CTNNA3: variants seen among roughly 807,000 people sequenced by gnomAD.
CTNNA3 encodes catenin alpha 3.
Under a neutral mutation model 95.7 loss-of-function variants are expected in CTNNA3, and 76 were observed. That is an observed-to-expected ratio of 0.79 (90% CI 0.66 to 0.96). CTNNA3 has a LOEUF of 0.96. Ranked by LOEUF, CTNNA3 falls within the 40% of genes least tolerant of loss-of-function variation. The pLI is 0.00. For missense variants in CTNNA3, 1,191 were observed against 1,089.8 expected (o/e 1.09, Z -1.31); for synonymous variants, 431 against 374.4 (o/e 1.15, Z -1.74).
chr10:66,934,645 T>C (rs1460347937), intron 7 of CTNNA3, among the ~76,000 whole-genome samples: 1 of 152,240 alleles, frequency 6.6e-6, no homozygotes, highest in East Asian at 1.9e-4. Context: ...ATTAGCTAAT[T>C]CCTAGAAAAC....
intron 12 of CTNNA3, among the ~76,000 whole-genome samples, chr10:66,356,117 G>GTTTTTTTTTTTT (rs1275052192): frequency 9.5e-6 from 1 of 104,736 alleles, no homozygotes; most frequent in African/African-American, 3.9e-5. Flanking sequence ...TTGTTTGCTT[G>GTTTTTTTTTTTT]TTTTGTTTTT....
chr10:67,637,177 A>C (rs140779382), intron 2 of CTNNA3, among the ~76,000 whole-genome samples: 2 of 152,238 alleles, frequency 1.3e-5, no homozygotes, highest in African/African-American at 2.4e-5. Context: ...AAAGGACCTG[A>C]TGGAGCTGAA....
At chr10:66,873,413 C>A (rs1028263984) in intron 7 of CTNNA3, among the ~76,000 whole-genome samples, 3 of 151,546 alleles carry the variant, frequency 2.0e-5, no homozygotes, top group African/African-American at 4.9e-5. Flanking sequence ...GCCATTCTGA[C>A]TGGTGTGAGA....
chr10:67,005,968 G>T (rs931153586), intron 7 of CTNNA3, among the ~76,000 whole-genome samples: 1 of 151,922 alleles, frequency 6.6e-6, no homozygotes, highest in East Asian at 1.9e-4. Flanking sequence ...TTACAAGCGT[G>T]AGCCATCGCA....
At chr10:66,891,158 G>A (rs1024360787) in intron 7 of CTNNA3, among the ~76,000 whole-genome samples, 1 of 152,022 alleles carries the variant, frequency 6.6e-6, no homozygotes, top group Non-Finnish European at 1.5e-5. Context: ...TTCTATTTGA[G>A]CTTTTATTTC....
intron 13 of CTNNA3, among the ~76,000 whole-genome samples, chr10:66,222,600 G>A (rs1048572891): frequency 8.2e-6 from 1 of 122,426 alleles, no homozygotes; most frequent in African/African-American, 3.6e-5. Context: ...AAGAAAGAAC[G>A]AAAGAAAGAA....
chr10:66,879,782 A>T (rs17231490), intron 7 of CTNNA3, among the ~76,000 whole-genome samples: 1,654 of 152,202 alleles, frequency 0.011, 11 homozygotes, highest in Non-Finnish European at 0.019. Flanking sequence ...ATGCAGAGGT[A>T]GACCTGGGCA....
At position 66,927,754 on chromosome 10, in the gene CTNNA3, C is replaced by T. The variant is rs1239273367; in HGVS notation, c.1048-152230G>A. On this transcript the variant is annotated intron_variant, in intron 7 of 17. Transcript: ENST00000433211. This position sits in a 1 kb window ranked among gnomAD's most constrained non-coding sequence, Gnocchi z 4.7. ...CAGTGTTTTCCAGTGTGTCCCGAAT[C>T]TGCAGCGCCTCAACCTGGATTCCAA... 1 of 1,614,212 alleles carries T rather than the reference C, an allele frequency of 6.2e-7. No individual in the cohort carries two copies. Among genetic ancestry groups the T allele is most frequent in the Admixed American group, 1.7e-5 (1 of 60,026 alleles).
intron 12 of CTNNA3, among the ~76,000 whole-genome samples, chr10:66,296,657 G>C (rs1014310122): frequency 1.3e-5 from 2 of 151,764 alleles, no homozygotes; most frequent in Non-Finnish European, 2.9e-5. Flanking sequence ...CCTGTTGATT[G>C]ATTCTGGAAA....
intron 5 of CTNNA3, among the ~76,000 whole-genome samples, chr10:67,308,934 T>C (rs1403716206): frequency 6.6e-6 from 1 of 152,208 alleles, no homozygotes; most frequent in African/African-American, 2.4e-5. Flanking sequence ...TCAAAAAGTT[T>C]ACTTCTACTC....
At chr10:65,983,770 G>A (rs1031532848) in intron 16 of CTNNA3, among the ~76,000 whole-genome samples, 1 of 151,248 alleles carries the variant, frequency 6.6e-6, no homozygotes, top group Non-Finnish European at 1.5e-5. Context: ...TTAAACAGAA[G>A]GTTTTAGTTC....
At chr10:66,885,231 T>C (rs1844999236) in intron 7 of CTNNA3, among the ~76,000 whole-genome samples, 1 of 152,190 alleles carries the variant, frequency 6.6e-6, no homozygotes, top group South Asian at 2.1e-4. Context: ...GAAGTAGTCT[T>C]ATTTGGACAT....
intron 13 of CTNNA3, among the ~76,000 whole-genome samples, chr10:66,134,191 T>C (rs954528189): frequency 3.3e-5 from 5 of 152,142 alleles, no homozygotes; most frequent in African/African-American, 1.2e-4. Context: ...TAAAGTGATC[T>C]TCATTTTAAA....
intron 12 of CTNNA3, among the ~76,000 whole-genome samples, chr10:66,319,490 G>A (rs1043422529): frequency 2.0e-5 from 3 of 152,140 alleles, no homozygotes; most frequent in African/African-American, 7.2e-5. Context: ...TAAGATAGGG[G>A]ATGGGATGTA....
At chr10:66,865,166 A>T (rs1844117430) in intron 7 of CTNNA3, among the ~76,000 whole-genome samples, 1 of 151,690 alleles carries the variant, frequency 6.6e-6, no homozygotes, top group Non-Finnish European at 1.5e-5. Flanking sequence ...TATGAGTCTA[A>T]CATTTATGAA....
Position 66,571,336 on chromosome 10 carries a change from A to T in CTNNA3, c.1374+50356T>A, listed in dbSNP as rs1435985166. ...CATTCCCTTTTGGAGATTAAAAAAT[A>T]GCATTACAACTATCTGTGTTGCATT... On this transcript the variant is annotated intron_variant, in intron 10 of 17. Coordinates refer to ENST00000433211, the MANE Select transcript of CTNNA3 (RefSeq NM_013266.4). Among the ~76,000 whole-genome samples the T allele has an allele frequency of 2.0e-5, 3 of 152,322 alleles. No individual in the cohort carries two copies. The East Asian group carries it at 5.8e-4, about 29-fold the overall frequency.
chr10:66,855,741 T>A (rs1303833917), intron 7 of CTNNA3, among the ~76,000 whole-genome samples: 1 of 152,054 alleles, frequency 6.6e-6, no homozygotes, highest in Middle Eastern at 3.2e-3. Context: ...TCAAAAGCTA[T>A]CTTGCATTAA....
chr10:66,240,239 A>G (rs1466335255), intron 13 of CTNNA3, among the ~76,000 whole-genome samples: 1 of 152,074 alleles, frequency 6.6e-6, no homozygotes, highest in Non-Finnish European at 1.5e-5. Context: ...CCCTATGGAA[A>G]TAAATCAATA....
chr10:67,022,720 G>A (rs1205456860), intron 7 of CTNNA3, among the ~76,000 whole-genome samples: 4 of 152,108 alleles, frequency 2.6e-5, no homozygotes, highest in African/African-American at 7.2e-5. Context: ...GGCAGATCAT[G>A]AGGTCAGGAG....
Sources: allele counts gnomAD v4.1 joint callset (sites outside exome capture counted in the v4.1 genomes callset), GRCh38; gene constraint gnomAD v4.1.1; non-coding constraint Gnocchi (gnomAD v3.1); transcripts MANE v1.5; gene names NCBI Gene and HGNC (gene_info 2026-07-23, HGNC 2026-07-21).